The following LPP variants were observed in gnomAD, a reference collection of about 807,000 sequenced individuals.
LPP encodes the protein lipoma-preferred partner.
Under a neutral mutation model 60.4 loss-of-function variants are expected in LPP, and 38 were observed. That is an observed-to-expected ratio of 0.63 (90% CI 0.49 to 0.83). The LOEUF (loss-of-function observed/expected upper bound fraction) is 0.83, where lower values mean the gene tolerates loss of function less well. LPP is among the 40% of genes least tolerant of loss of function. The pLI is 0.00. For missense variants in LPP, 902 were observed against 783.6 expected (o/e 1.15, Z -1.80); for synonymous variants, 328 against 290.8 (o/e 1.13, Z -1.30).
At chr3:188,831,623 A>G (rs1757159817) in intron 9 of LPP, among the ~76,000 whole-genome samples, 1 of 152,218 alleles carries the variant, frequency 6.6e-6, no homozygotes. Flanking sequence ...CACTGCATAG[A>G]TTGAGTGGAC....
intron 8 of LPP, among the ~76,000 whole-genome samples, chr3:188,735,277 A>C (rs1722081279): frequency 6.6e-6 from 1 of 152,168 alleles, no homozygotes; most frequent in Non-Finnish European, 1.5e-5. Flanking sequence ...TTATAGTTAG[A>C]AAAGACAAAA....
intron 7 of LPP, among the ~76,000 whole-genome samples, chr3:188,670,570 CTT>C (rs1856768317): frequency 6.6e-6 from 1 of 151,950 alleles, no homozygotes; most frequent in Non-Finnish European, 1.5e-5. Context: ...GGTTTGAACT[CTT>C]TTCAGATGAG....
chr3:188,583,120 A>G (rs1000184986), intron 6 of LPP, among the ~76,000 whole-genome samples: 4 of 152,240 alleles, frequency 2.6e-5, no homozygotes, highest in Non-Finnish European at 5.9e-5. Flanking sequence ...TCTGAAGTCA[A>G]ATAGAAATGA....
intron 7 of LPP, among the ~76,000 whole-genome samples, chr3:188,636,454 T>G (rs1848793889): frequency 6.6e-6 from 1 of 152,164 alleles, no homozygotes; most frequent in Non-Finnish European, 1.5e-5. Context: ...GAGATCAAAC[T>G]GCAAGGCTGC....
chr3:188,679,610 G>T (rs1156820200), intron 7 of LPP, among the ~76,000 whole-genome samples: 1 of 151,728 alleles, frequency 6.6e-6, no homozygotes, highest in Non-Finnish European at 1.5e-5. Flanking sequence ...ACCACTATGA[G>T]GAACTGGTAA....
chr3:188,167,217 G>T (rs1344490747), intron 1 of LPP, among the ~76,000 whole-genome samples: 1 of 152,096 alleles, frequency 6.6e-6, no homozygotes, highest in Non-Finnish European at 1.5e-5. Flanking sequence ...TGCCATGTTG[G>T]CCGGGCACGG....
intron 3 of LPP, among the ~76,000 whole-genome samples, chr3:188,359,519 C>T (rs956635294): frequency 6.6e-6 from 1 of 152,086 alleles, no homozygotes; most frequent in Non-Finnish European, 1.5e-5. Context: ...CTGCATTGGC[C>T]CGAAAGGGGA....
intron 2 of LPP, among the ~76,000 whole-genome samples, chr3:188,229,011 GT>G (rs752618809): frequency 3.9e-5 from 6 of 152,210 alleles, no homozygotes; most frequent in Non-Finnish European, 8.8e-5. Flanking sequence ...CATGCTCAGC[GT>G]ATGCCCTTCC....
chr3:188,267,815 T>G (rs987794129), intron 2 of LPP, among the ~76,000 whole-genome samples: 2 of 152,076 alleles, frequency 1.3e-5, no homozygotes, highest in Admixed American at 6.6e-5. Context: ...ATGATTCTTC[T>G]CAAGGGGGAT....
At chr3:188,737,733 A>T (rs940715101) in intron 8 of LPP, among the ~76,000 whole-genome samples, 1 of 152,162 alleles carries the variant, frequency 6.6e-6, no homozygotes, top group East Asian at 1.9e-4. Flanking sequence ...TGAATGTTTA[A>T]TAGCCTTAGG....
At chr3:188,639,997 A>G (rs550323581) in intron 7 of LPP, among the ~76,000 whole-genome samples, 100 of 152,210 alleles carry the variant, frequency 6.6e-4, no homozygotes, top group African/African-American at 2.0e-3. Context: ...ATACCATTTG[A>G]CCCAGCCATC....
rs1352253200 is a variant in LPP, at chr3:188,876,159, A to G, written c.*1680A>G. On this transcript the variant is annotated 3_prime_UTR_variant, in exon 12 of 12. Coordinates refer to ENST00000617246, the MANE Select transcript of LPP (RefSeq NM_001375462.1). ...TTTTTTTCTAGTTTTTAATTTTAAC[A>G]TCAGAACTGAAATAAAAAATTATGG... 3.7e-5 allele frequency: 7 copies of G among 187,710 alleles called. No individual in the cohort carries two copies. The East Asian group carries it at 6.0e-4, about 16-fold the overall frequency. The allele number at this position is 187,710 out of a possible 1,614,324, so 11.6% of individuals were successfully genotyped here. A position where few individuals can be genotyped will look rare whatever the true frequency, so the allele number is the denominator to read the frequency against.
At position 188,665,719 on chromosome 3, in the gene LPP, C is replaced by A. The variant is rs138815590; in HGVS notation, c.1114-42548C>A. Among the ~76,000 whole-genome samples, 583 of 152,244 alleles carry A rather than the reference C, an allele frequency of 3.8e-3. 5 individuals carry two copies. The highest frequency in any genetic ancestry group is 0.014 in the African/African-American group (562 of 41,554). ...CTCGTGATCTGCCTGCCTCGGCCTC[C>A]CAAAGTGCTGGGATTACAGGCATGA... is the stretch of plus-strand genomic sequence containing the variant. On this transcript the variant is annotated intron_variant, in intron 7 of 11. Transcript: ENST00000617246.
At chr3:188,826,803 T>C (rs1389269398) in intron 9 of LPP, among the ~76,000 whole-genome samples, 2 of 152,096 alleles carry the variant, frequency 1.3e-5, no homozygotes, top group Admixed American at 1.3e-4. Flanking sequence ...TGCACCTCTC[T>C]ATGTCATCCT....
chr3:188,705,311 T>C (rs1205710479), intron 7 of LPP, among the ~76,000 whole-genome samples: 1 of 152,202 alleles, frequency 6.6e-6, no homozygotes, highest in Non-Finnish European at 1.5e-5. Flanking sequence ...CATGTCTTGT[T>C]CATCTTTGCA....
intron 1 of LPP, among the ~76,000 whole-genome samples, chr3:188,222,125 C>T (rs897808775): frequency 6.6e-6 from 1 of 152,078 alleles, no homozygotes; most frequent in African/African-American, 2.4e-5. Flanking sequence ...GTGTGTGTTT[C>T]AAAATGTGGA....
chr3:188,811,455 G>T (rs1157430915), intron 9 of LPP, among the ~76,000 whole-genome samples: 1 of 151,872 alleles, frequency 6.6e-6, no homozygotes, highest in African/African-American at 2.4e-5. Context: ...TATTGGAGAA[G>T]ACATCATTTG....
chr3:188,486,409 T>TA (rs1482559511), intron 5 of LPP, among the ~76,000 whole-genome samples: 1 of 152,126 alleles, frequency 6.6e-6, no homozygotes, highest in Non-Finnish European at 1.5e-5. Flanking sequence ...ATAAACAAGA[T>TA]ACGCACATTA....
At chr3:188,444,598 C>A (rs1305603787) in intron 4 of LPP, among the ~76,000 whole-genome samples, 6 of 152,088 alleles carry the variant, frequency 3.9e-5, no homozygotes, top group African/African-American at 7.2e-5. Context: ...ACTAAAACAC[C>A]AAAAGCAATG....
Sources: allele counts gnomAD v4.1 joint callset (sites outside exome capture counted in the v4.1 genomes callset), GRCh38; gene constraint gnomAD v4.1.1; transcripts MANE v1.5; gene names NCBI Gene and HGNC (gene_info 2026-07-23, HGNC 2026-07-21).